Variants in EEF1AKMT1 observed in about 807,000 individuals in gnomAD.
The protein encoded by EEF1AKMT1 is EEF1A lysine methyltransferase 1.
EEF1AKMT1 carries 18 observed loss-of-function variants against 21.0 expected under a neutral mutation model. The observed-to-expected ratio is 0.86, with a 90% CI of 0.59 to 1.27. EEF1AKMT1 has a LOEUF of 1.27. EEF1AKMT1 is among the 50% of genes most tolerant of loss of function. The probability of loss-of-function intolerance (pLI) is 0.00; values close to 1 mark genes in which losing one functional copy is unlikely to be tolerated. For synonymous variants in EEF1AKMT1, 109 were observed against 94.8 expected (o/e 1.15, Z -0.87); for missense variants, 246 against 258.6 (o/e 0.95, Z 0.33).
chr13:20,764,275 C>A (rs1175767455), intron 1 of EEF1AKMT1, among the ~76,000 whole-genome samples: 2 of 152,142 alleles, frequency 1.3e-5, no homozygotes, highest in Non-Finnish European at 2.9e-5. Context: ...TCATTCAGTT[C>A]AGTGTACTTT....
Position 20,737,783 on chromosome 13 carries a change from C to CT in EEF1AKMT1, c.166dup (p.Ser56LysfsTer29). 4 of 1,612,834 alleles carry CT rather than the reference C, an allele frequency of 2.5e-6. No homozygotes were observed. The highest frequency in any genetic ancestry group is 3.4e-6 in the Non-Finnish European group (4 of 1,179,426). ...TGCCAGCTGCAGAGCAGTTTCCTGA[C>CT]TATACCAAAACTGGCTCAGTTGCTG... On this transcript the variant is annotated frameshift_variant, in exon 3 of 5. Coordinates refer to ENST00000382758, the MANE Select transcript of EEF1AKMT1 (RefSeq NM_001318939.2).
rs545416900 is a variant in EEF1AKMT1, at chr13:20,740,081, A to G, written c.145-2276T>C. On this transcript the variant is annotated intron_variant, in intron 2 of 4. Transcript: ENST00000382758. The stretch of plus-strand genomic sequence containing the variant: ...AGGTCCTGAGCCCTGCCCTGCGGGG[A>G]GACAGCTGAGGGCCGGCGAGAATTC... Among the ~76,000 whole-genome samples the G allele has an allele frequency of 7.7e-4, 117 of 152,292 alleles. 1 individual carries two copies. The highest frequency in any genetic ancestry group is 2.8e-3 in the African/African-American group (116 of 41,562).
intron 2 of EEF1AKMT1, among the ~76,000 whole-genome samples, chr13:20,749,297 T>C (rs2058928410): frequency 6.6e-6 from 1 of 152,204 alleles, no homozygotes; most frequent in South Asian, 2.1e-4. Context: ...ATCTCTGTCC[T>C]GGAACACACC....
Position 20,739,193 on chromosome 13 carries a change from G to A in EEF1AKMT1, c.145-1388C>T, listed in dbSNP as rs1242016333. ...GTTGTTCTTTGCTCCCAGTGGGTTGGTAACTTCGCTGGTTTCAGGAGTGAA... is the reference window on the plus strand; with the variant it reads ...GTTGTTCTTTGCTCCCAGTGGGTTGATAACTTCGCTGGTTTCAGGAGTGAA... On this transcript the variant is annotated intron_variant, in intron 2 of 4. Transcript: ENST00000382758. Among the ~76,000 whole-genome samples, 5 of 152,160 alleles carry A rather than the reference G, an allele frequency of 3.3e-5. No homozygotes were observed. In the South Asian group the frequency reaches 6.2e-4, roughly 19 times the overall value.
At chr13:20,754,334 T>G (rs1428169791) in intron 2 of EEF1AKMT1, among the ~76,000 whole-genome samples, 1 of 152,118 alleles carries the variant, frequency 6.6e-6, no homozygotes, top group East Asian at 1.9e-4. Context: ...GTAAGATTTC[T>G]GCTGAGAATA....
Position 20,757,591 on chromosome 13 carries a change from T to C in EEF1AKMT1, c.8A>G (p.Asp3Gly), listed in dbSNP as rs1381328979. 4 of 1,613,918 alleles carry C rather than the reference T, an allele frequency of 2.5e-6. No homozygotes were observed. In the South Asian group the frequency reaches 4.4e-5, roughly 18 times the overall value. Residue 3 changes from aspartate (D) to glycine (G), a missense_variant, in exon 2 of 5, where the codon GAT becomes GGT. By Grantham distance (94) the Asp-to-Gly change is moderately conservative. Transcript: ENST00000382758. MS[D>G]LEDDETPQLS... ...CTGGGGTGTCTCATCATCTTCCAAA[T>C]CACTCATTTCACAAGTTGTTTATAA... is the stretch of plus-strand genomic sequence containing the variant.
chr13:20,750,290 T>A (rs553262441), intron 2 of EEF1AKMT1, among the ~76,000 whole-genome samples: 1 of 152,166 alleles, frequency 6.6e-6, no homozygotes, highest in South Asian at 2.1e-4. Context: ...GAACATCAGA[T>A]CTTATTCCTT....
intron 1 of EEF1AKMT1, among the ~76,000 whole-genome samples, chr13:20,764,815 T>A (rs1396008256): frequency 6.8e-6 from 1 of 146,300 alleles, no homozygotes; most frequent in East Asian, 2.0e-4. Flanking sequence ...CTGCTATCAA[T>A]AAAAGTGCTC....
chr13:20,761,258 C>T (rs1295294258), intron 1 of EEF1AKMT1, among the ~76,000 whole-genome samples: 1 of 152,210 alleles, frequency 6.6e-6, no homozygotes, highest in Non-Finnish European at 1.5e-5. Flanking sequence ...ACCTCAATCT[C>T]CATTCTTAAC....
At chr13:20,740,630 T>C (rs1457699331) in intron 2 of EEF1AKMT1, among the ~76,000 whole-genome samples, 2 of 152,202 alleles carry the variant, frequency 1.3e-5, no homozygotes, top group Admixed American at 6.5e-5. Context: ...GGTGAGACCC[T>C]GCTTCTACTA....
chr13:20,749,938 A>G (rs1186463236), intron 2 of EEF1AKMT1, among the ~76,000 whole-genome samples: 5 of 152,156 alleles, frequency 3.3e-5, no homozygotes, highest in African/African-American at 1.2e-4. Context: ...CATGTATCTT[A>G]ATGAGGGTCT....
chr13:20,733,978 C>G (rs1390690891), intron 3 of EEF1AKMT1, among the ~76,000 whole-genome samples: 1 of 152,190 alleles, frequency 6.6e-6, no homozygotes, highest in Non-Finnish European at 1.5e-5. Context: ...CCCGTGACAT[C>G]GCATAATGTT....
At chr13:20,745,024 G>C (rs1346071590) in intron 2 of EEF1AKMT1, among the ~76,000 whole-genome samples, 1 of 152,150 alleles carries the variant, frequency 6.6e-6, no homozygotes, top group African/African-American at 2.4e-5. Context: ...TGAGATCTCT[G>C]TTCTGTTCCA....
chr13:20,737,912 T>A, intron 2 of EEF1AKMT1, 107 bp from the exon 3 acceptor site: 1 of 728,016 alleles, frequency 1.4e-6, no homozygotes, highest in South Asian at 2.2e-5. Context: ...TCTTTTAATT[T>A]ATATATAATC....
At chr13:20,773,551 G>A (rs1425597128) in intron 1 of EEF1AKMT1, among the ~76,000 whole-genome samples, 1 of 152,244 alleles carries the variant, frequency 6.6e-6, no homozygotes, top group African/African-American at 2.4e-5. Flanking sequence ...AAGGACAGCA[G>A]GCCGAGTCCT....
intron 3 of EEF1AKMT1, among the ~76,000 whole-genome samples, chr13:20,732,886 A>G (rs572006940): frequency 6.6e-6 from 1 of 152,272 alleles, no homozygotes; most frequent in South Asian, 2.1e-4. Context: ...AGTTTTCCAT[A>G]AAGATACATT....
intron 2 of EEF1AKMT1, among the ~76,000 whole-genome samples, chr13:20,748,726 G>GTTGTTGTT (rs2058924339): frequency 2.8e-5 from 2 of 72,614 alleles, no homozygotes; most frequent in Non-Finnish European, 4.5e-5. Context: ...TTTTTTTTTG[G>GTTGTTGTT]TTTTTTTTTT....
At position 20,729,351 on chromosome 13, in the gene EEF1AKMT1, G is replaced by A. The variant is rs1595008249; in HGVS notation, c.509-135C>T. On this transcript the variant is annotated intron_variant, in intron 4 of 4. Transcript: ENST00000382758. ...CAATTCACAAGTGGGGGGAGGGAGC[G>A]AGTGTTCTTTACATTCCCTTTCACC... is the stretch of plus-strand genomic sequence containing the variant. 51 of 985,730 alleles carry A rather than the reference G, an allele frequency of 5.2e-5. No homozygotes were observed. The East Asian group carries it at 1.3e-3, about 24-fold the overall frequency. 61.1% of individuals were successfully genotyped at this position (985,730 alleles called of 1,614,324 possible). A position where few individuals can be genotyped will look rare whatever the true frequency, so the allele number is the denominator to read the frequency against.
At chr13:20,738,878 C>A (rs181211655) in intron 2 of EEF1AKMT1, among the ~76,000 whole-genome samples, 2 of 151,656 alleles carry the variant, frequency 1.3e-5, no homozygotes, top group Admixed American at 6.5e-5. Flanking sequence ...TTAGACGCAA[C>A]GAAAATGTTC....
Sources: gnomAD v4.1 joint callset for allele counts (sites outside exome capture counted in the v4.1 genomes callset) on GRCh38, gnomAD v4.1.1 for gene constraint, MANE v1.5 for transcripts, NCBI Gene and HGNC (gene_info 2026-07-23, HGNC 2026-07-21) for gene names.